UBR3: variants seen among roughly 807,000 people sequenced by gnomAD.
The protein encoded by UBR3 is ubiquitin protein ligase E3 component n-recognin 3, also known as E3 ubiquitin-protein ligase UBR3.
UBR3 carries 85 observed loss-of-function variants against 243.2 expected under a neutral mutation model. The ratio of observed to expected loss-of-function variants is 0.35; its 90% confidence interval spans 0.29 to 0.42. The LOEUF (loss-of-function observed/expected upper bound fraction) is 0.42, where lower values mean the gene tolerates loss of function less well. UBR3 is among the 10% of genes least tolerant of loss of function. The probability of loss-of-function intolerance (pLI) is 1.00; values close to 1 mark genes in which losing one functional copy is unlikely to be tolerated. For missense variants in UBR3, 1,686 were observed against 2,300.8 expected, an observed-to-expected ratio of 0.73 and a Z score of 5.47; for synonymous variants, 748 against 799.8, an observed-to-expected ratio of 0.94 and a Z score of 1.09.
At chr2:169,940,708 T>G (rs1220616249) in intron 19 of UBR3, among the ~76,000 whole-genome samples, 2 of 152,204 alleles carry the variant, frequency 1.3e-5, no homozygotes, top group Non-Finnish European at 2.9e-5. Context: ...ATTTGTCGTT[T>G]TCTCTGTGTA....
chr2:170,000,306 G>C (rs1177405237), intron 26 of UBR3, among the ~76,000 whole-genome samples: 1 of 152,208 alleles, frequency 6.6e-6, no homozygotes, highest in African/African-American at 2.4e-5. Context: ...CTGTATGGAG[G>C]TTACATCATG....
chr2:169,837,430 C>T (rs2082145213), intron 1 of UBR3, among the ~76,000 whole-genome samples: 1 of 152,218 alleles, frequency 6.6e-6, no homozygotes, highest in African/African-American at 2.4e-5. Context: ...GAGCCGCGAT[C>T]ACGCCATTGC....
intron 31 of UBR3, among the ~76,000 whole-genome samples, chr2:170,030,804 T>C (rs1301396425): frequency 6.6e-6 from 1 of 152,150 alleles, no homozygotes; most frequent in Non-Finnish European, 1.5e-5. Flanking sequence ...CCTTGACTTA[T>C]ATTTTATTGT....
chr2:170,054,675 G>C (rs879862766), intron 32 of UBR3, among the ~76,000 whole-genome samples: 6 of 152,100 alleles, frequency 3.9e-5, no homozygotes, highest in Non-Finnish European at 5.9e-5. Flanking sequence ...AGCCAAATTA[G>C]TAACCTAAAC....
intron 31 of UBR3, among the ~76,000 whole-genome samples, chr2:170,032,741 T>C (rs971596972): frequency 6.6e-6 from 1 of 151,914 alleles, no homozygotes; most frequent in Admixed American, 6.6e-5. Context: ...TAGTGCATAG[T>C]ATGAGGAGGC....
At chr2:169,950,522 GACTA>G (rs2086973827) in intron 23 of UBR3, among the ~76,000 whole-genome samples, 1 of 151,794 alleles carries the variant, frequency 6.6e-6, no homozygotes, top group South Asian at 2.1e-4. Flanking sequence ...AACACATTCT[GACTA>G]ACTTATGCTT....
chr2:170,017,572 CACACACACACAG>C (rs1437139749), intron 30 of UBR3, among the ~76,000 whole-genome samples: 26 of 141,626 alleles, frequency 1.8e-4, no homozygotes, highest in South Asian at 1.7e-3. Flanking sequence ...CACACACACA[CACACACACACAG>C]GGGGAGAAGG....
At position 169,872,218 on chromosome 2, in the gene UBR3, T is replaced by C. The variant is rs2083460252; in HGVS notation, c.546-18T>C. The C allele has an allele frequency of 1.4e-6, 2 of 1,474,454 alleles. No individual in the cohort carries two copies. The highest frequency in any genetic ancestry group is 1.4e-5 in the South Asian group (1 of 72,592). 91.3% of individuals were successfully genotyped at this position (1,474,454 alleles called of 1,614,324 possible). ...TGATTAGACATTACTGTTAATTTTT[T>C]TCTTTTTCATATTACAGGTTTTGCA... is the stretch of plus-strand genomic sequence containing the variant. On this transcript the variant is annotated intron_variant, in intron 1 of 38. Coordinates refer to ENST00000272793, the MANE Select transcript of UBR3 (RefSeq NM_172070.4).
At chr2:170,015,149 C>T (rs1209893906) in intron 29 of UBR3, 132 bp from the exon 30 acceptor site, 2 of 607,876 alleles carry the variant, frequency 3.3e-6, no homozygotes, top group Non-Finnish European at 2.8e-6. Flanking sequence ...ATTACTGATA[C>T]AACATAAAAA....
Position 169,872,329 on chromosome 2 carries a change from T to C in UBR3, c.639T>C (p.Phe213=). ...LMMSEFVLPR[F]IFCLIQYLRE... ...TGTCTGAATTTGTTCTTCCAAGATT[T>C]ATATTTTGTCTTATTCAGTACTTAA... Residue 213 remains phenylalanine (F), a synonymous_variant, in exon 2 of 39, where the codon TTT becomes TTC. Transcript: ENST00000272793. 2 of 1,522,024 alleles carry C rather than the reference T, an allele frequency of 1.3e-6. No homozygotes were observed. Among genetic ancestry groups the C allele is most frequent in the Non-Finnish European group, 1.8e-6 (2 of 1,123,460 alleles). The allele number at this position is 1,522,024 out of a possible 1,614,324, so 94.3% of individuals were successfully genotyped here.
rs2091888319 is a variant in UBR3 at position 170,080,460 on chromosome 2, T to G, written c.5410-85T>G. 4.7e-6 allele frequency: 6 copies of G among 1,270,330 alleles called. No individual in the cohort carries two copies. The Admixed American group carries it at 1.1e-4, about 23-fold the overall frequency. 78.7% of individuals were successfully genotyped at this position (1,270,330 alleles called of 1,614,324 possible). On this transcript the variant is annotated intron_variant, in intron 37 of 38. Coordinates refer to ENST00000272793, the MANE Select transcript of UBR3 (RefSeq NM_172070.4). ...TCTTACTATTTTTAAATCACTGTATTATTTAGAAGGCATTAATATATTCTT... is the reference window on the plus strand; with the variant it reads ...TCTTACTATTTTTAAATCACTGTATGATTTAGAAGGCATTAATATATTCTT...
At chr2:169,886,005 A>G (rs2084080079) in intron 5 of UBR3, among the ~76,000 whole-genome samples, 1 of 151,972 alleles carries the variant, frequency 6.6e-6, no homozygotes. Flanking sequence ...AAAAATACAA[A>G]AATTAGCCCA....
At chr2:169,912,215 T>TC (rs2085280833) in intron 10 of UBR3, among the ~76,000 whole-genome samples, 1 of 120,404 alleles carries the variant, frequency 8.3e-6, no homozygotes, top group Non-Finnish European at 2.1e-5. Flanking sequence ...TGTTTTTAAC[T>TC]TAAAAAAGGA....
At chr2:169,965,207 G>A (rs1344414016) in intron 24 of UBR3, among the ~76,000 whole-genome samples, 3 of 152,086 alleles carry the variant, frequency 2.0e-5, no homozygotes, top group East Asian at 3.8e-4. Flanking sequence ...TTGTACTATA[G>A]TATTATTAAC....
intron 1 of UBR3, among the ~76,000 whole-genome samples, chr2:169,837,757 G>C (rs567222591): frequency 5.9e-5 from 9 of 152,192 alleles, no homozygotes; most frequent in Non-Finnish European, 1.0e-4. Context: ...CACCCTTGAC[G>C]TGTGGGGATT....
At chr2:169,984,566 C>T (rs1191314343) in intron 24 of UBR3, among the ~76,000 whole-genome samples, 1 of 152,004 alleles carries the variant, frequency 6.6e-6, no homozygotes, top group East Asian at 1.9e-4. Context: ...TTTCATATCT[C>T]ACAGATAAGT....
At chr2:170,075,373 A>G (rs905311768) in intron 36 of UBR3, among the ~76,000 whole-genome samples, 2 of 152,156 alleles carry the variant, frequency 1.3e-5, no homozygotes, top group African/African-American at 4.8e-5. Flanking sequence ...TAATTGTAGA[A>G]CCAAGGCAGG....
intron 1 of UBR3, among the ~76,000 whole-genome samples, chr2:169,851,299 A>AT (rs1251054257): frequency 6.6e-6 from 1 of 151,952 alleles, no homozygotes; most frequent in African/African-American, 2.4e-5. Flanking sequence ...TAATTTTTGT[A>AT]TTTTTTGTAT....
intron 1 of UBR3, among the ~76,000 whole-genome samples, chr2:169,859,417 T>G (rs2083007756): frequency 6.6e-6 from 1 of 152,074 alleles, no homozygotes; most frequent in South Asian, 2.1e-4. Context: ...GGGGTTTGAG[T>G]ATTTTGGATC....
Sources: gnomAD v4.1 joint callset for allele counts (sites outside exome capture counted in the v4.1 genomes callset) on GRCh38, gnomAD v4.1.1 for gene constraint, MANE v1.5 for transcripts, NCBI Gene and HGNC (gene_info 2026-07-23, HGNC 2026-07-21) for gene names.